Variants in ALG6 observed in about 807,000 individuals in gnomAD.
ALG6 encodes the protein dolichyl pyrophosphate Man9GlcNAc2 alpha-1,3-glucosyltransferase.
In ALG6, 46 loss-of-function variants were observed where a neutral mutation model predicts 66.6. That is an observed-to-expected ratio of 0.69 (90% CI 0.55 to 0.88). The LOEUF (loss-of-function observed/expected upper bound fraction) is 0.88, where lower values mean the gene tolerates loss of function less well. Ranked by LOEUF, ALG6 falls within the 40% of genes least tolerant of loss-of-function variation. ALG6 has a pLI of 0.00. For missense variants in ALG6, 505 were observed against 586.8 expected (o/e 0.86, Z 1.44); for synonymous variants, 185 against 203.7 (o/e 0.91, Z 0.78).
intron 11 of ALG6, among the ~76,000 whole-genome samples, chr1:63,418,680 A>G (rs1644557280): frequency 6.6e-6 from 1 of 152,118 alleles, no homozygotes; most frequent in Non-Finnish European, 1.5e-5. Flanking sequence ...CAATTAGGAG[A>G]TTATTGCACT....
At position 63,377,224 on chromosome 1, in the gene ALG6, G is replaced by T. The variant is rs573286886; in HGVS notation, c.82+6165G>T. On this transcript the variant is annotated intron_variant, in intron 2 of 14. Coordinates refer to ENST00000263440, the MANE Select transcript of ALG6 (RefSeq NM_013339.4). ...TGATCCACCACCTCGGCCTCCCAAA[G>T]TGGTGGTATTAACAGGTAGAATTTT... 2.0e-5 allele frequency among the ~76,000 whole-genome samples: 3 copies of T among 152,310 alleles called. No homozygotes were observed. The East Asian group carries it at 5.8e-4, about 29-fold the overall frequency.
At chr1:63,420,212 T>A (rs1011546841) in intron 12 of ALG6, among the ~76,000 whole-genome samples, 23 of 152,144 alleles carry the variant, frequency 1.5e-4, no homozygotes, top group African/African-American at 5.6e-4. Flanking sequence ...TTCTTGGCTC[T>A]AAATAAAACA....
At chr1:63,370,720 TTGTAGGTAC>T (rs775890435) in intron 1 of ALG6, 42 bp from the exon 2 acceptor site, 12 of 468,856 alleles carry the variant, frequency 2.6e-5, no homozygotes, top group South Asian at 2.4e-4. Flanking sequence ...GGGTTCATTG[TTGTAGGTAC>T]TGTACTCAGC....
intron 14 of ALG6, among the ~76,000 whole-genome samples, chr1:63,435,383 C>G (rs1644672607): frequency 6.6e-6 from 1 of 152,126 alleles, no homozygotes; most frequent in Non-Finnish European, 1.5e-5. Flanking sequence ...TTTCCTTTAA[C>G]GACACTGGCA....
intron 2 of ALG6, among the ~76,000 whole-genome samples, chr1:63,395,588 G>A (rs1335558097): frequency 6.6e-6 from 1 of 152,110 alleles, no homozygotes; most frequent in African/African-American, 2.4e-5. Flanking sequence ...CCAGCTACTC[G>A]GGAGGCTGAA....
chr1:63,396,858 T>C (rs540512273), intron 3 of ALG6, among the ~76,000 whole-genome samples: 1 of 152,328 alleles, frequency 6.6e-6, no homozygotes, highest in South Asian at 2.1e-4. Context: ...CTATATGTCC[T>C]CTGTACATAA....
chr1:63,394,849 A>G (rs909934711), intron 2 of ALG6, among the ~76,000 whole-genome samples: 1 of 151,166 alleles, frequency 6.6e-6, no homozygotes, highest in Non-Finnish European at 1.5e-5. Context: ...AGTGGGTATA[A>G]TGATAATACC....
Position 63,411,912 on chromosome 1 carries a change from T to C in ALG6, c.681-14T>C, listed in dbSNP as rs1472177231. ...CTTTCCCTATCTTACTGCCTACCTTTGTTTTTGTTTTAGGTTTGTGTTGCT... is the reference window on the plus strand; with the variant it reads ...CTTTCCCTATCTTACTGCCTACCTTCGTTTTTGTTTTAGGTTTGTGTTGCT... On this transcript the variant is annotated splice_polypyrimidine_tract_variant and intron_variant, in intron 8 of 14. Coordinates refer to ENST00000263440, the MANE Select transcript of ALG6 (RefSeq NM_013339.4). 2.5e-6 allele frequency: 4 copies of C among 1,613,970 alleles called. No individual in the cohort carries two copies.
At chr1:63,406,534 C>A in intron 6 of ALG6, 135 bp downstream of exon 6, 1 of 778,474 alleles carries the variant, frequency 1.3e-6, no homozygotes, top group Non-Finnish European at 2.2e-6. Context: ...TATCAATTTT[C>A]ACTTCAAAAG....
In ALG6 at chr1:63,419,357, T is replaced by G. The variant is rs751636326; in HGVS notation, c.988-13T>G. 5 of 1,599,936 alleles carry G rather than the reference T, an allele frequency of 3.1e-6. No homozygotes were observed. The highest frequency in any genetic ancestry group is 2.2e-5 in the East Asian group (1 of 44,566). The stretch of plus-strand genomic sequence containing the variant: ...AGTTGTTATATCTCATTTCCCCCCC[T>G]TTTTTCTTAAAGGTTAGCTGTGCGC... On this transcript the variant is annotated splice_polypyrimidine_tract_variant and intron_variant, in intron 11 of 14. Transcript: ENST00000263440.
chr1:63,406,346 C>T lies in ALG6; in HGVS notation c.376C>T (p.Pro126Ser). The T allele has an allele frequency of 6.2e-7, 1 of 1,613,236 alleles. No individual in the cohort carries two copies. The highest frequency in any genetic ancestry group is 8.5e-7 in the Non-Finnish European group (1 of 1,179,498). Residue 126 changes from proline (P) to serine (S), a missense_variant, in exon 6 of 15, where the codon CCT becomes TCT. By Grantham distance (74) the Pro-to-Ser change is moderately conservative. Transcript: ENST00000263440. ...VLIADLLIYI[P>S]AVVLYCCCLK... The stretch of plus-strand genomic sequence containing the variant: ...AATTGCTGATCTGCTGATTTACATA[C>T]CTGCAGTGGTTTTGTACTGTTGTTG...
At chr1:63,394,204 GGGTTAATTAGTATATTT>G (rs1388463861) in intron 2 of ALG6, among the ~76,000 whole-genome samples, 3 of 152,220 alleles carry the variant, frequency 2.0e-5, no homozygotes, top group African/African-American at 7.2e-5. Context: ...CCTTCCTAAT[GGGTTAATTAGTATATTT>G]GACTCTATGT....
chr1:63,386,853 T>C (rs1329116951), intron 2 of ALG6, among the ~76,000 whole-genome samples: 2 of 152,190 alleles, frequency 1.3e-5, no homozygotes, highest in East Asian at 3.8e-4. Flanking sequence ...CTGTAGCTTT[T>C]CTAGTTCTTT....
At chr1:63,429,393 T>G in intron 14 of ALG6, 1 of 335,810 alleles carries the variant, frequency 3.0e-6, no homozygotes. Flanking sequence ...CCTAACTCCC[T>G]TCCTTGGACA....
chr1:63,415,894 C>A lies in ALG6; in HGVS notation c.924C>A (p.Ser308Arg). Residue 308 changes from serine to arginine, a missense_variant, in exon 11 of 15, where the codon AGC (serine) becomes AGA (arginine). Physicochemically the swap from Ser to Arg is moderately radical, Grantham distance 110. Transcript: ENST00000263440. ...LIMSFCSTFLSLLPACIKLIL... is the reference protein window; with the variant it reads ...LIMSFCSTFLRLLPACIKLIL... ...TTAGCTTTTGTTCTACGTTTTTGAG[C>A]CTGCTTCCTGCATGCATAAAATTAA... 5.6e-6 allele frequency: 9 copies of A among 1,610,946 alleles called. No homozygotes were observed. The highest frequency in any genetic ancestry group is 7.6e-6 in the Non-Finnish European group (9 of 1,177,636).
At chr1:63,394,279 C>G (rs182220080) in intron 2 of ALG6, among the ~76,000 whole-genome samples, 179 of 152,256 alleles carry the variant, frequency 1.2e-3, no homozygotes, top group African/African-American at 4.1e-3. Context: ...TATACTGTAC[C>G]TCTTTGGGCC....
At chr1:63,402,621 C>A (rs547927830) in intron 4 of ALG6, among the ~76,000 whole-genome samples, 98 of 151,442 alleles carry the variant, frequency 6.5e-4, no homozygotes, top group African/African-American at 2.2e-3. Context: ...TGCCCGCCAC[C>A]ATGCCTGGCT....
In ALG6 at chr1:63,387,532, C is replaced by CTTTTTTTTTTTTTTTTTTT. The variant is rs760731397; in HGVS notation, c.83-8972_83-8954dup. Reference sequence around the variant, plus strand: ...ATATAATGACCTTCTTTGTCTTTCTCTTTTTTTTTTTTTTTTTTTTTTTTT... The same window carrying CTTTTTTTTTTTTTTTTTTT: ...ATATAATGACCTTCTTTGTCTTTCTCTTTTTTTTTTTTTTTTTTTTTTTTTTTTTTTTTTTTTTTTTTTT... On this transcript the variant is annotated intron_variant, in intron 2 of 14. Transcript: ENST00000263440. Among the ~76,000 whole-genome samples, 66 of 59,494 alleles carry CTTTTTTTTTTTTTTTTTTT rather than the reference C, an allele frequency of 1.1e-3. 21 individuals are homozygous for CTTTTTTTTTTTTTTTTTTT. The highest frequency in any genetic ancestry group is 4.5e-3 in the East Asian group (7 of 1,562). 39.0% of individuals were successfully genotyped at this position (59,494 alleles called of 152,430 possible).
chr1:63,420,264 C>G (rs1303910366), intron 12 of ALG6, among the ~76,000 whole-genome samples: 1 of 152,132 alleles, frequency 6.6e-6, no homozygotes, highest in Non-Finnish European at 1.5e-5. Flanking sequence ...TTAATGCCAT[C>G]CTCTGAGGCC....
Sources: gnomAD v4.1 joint callset for allele counts (sites outside exome capture counted in the v4.1 genomes callset) on GRCh38, gnomAD v4.1.1 for gene constraint, MANE v1.5 for transcripts, NCBI Gene and HGNC (gene_info 2026-07-23, HGNC 2026-07-21) for gene names.